CPNE4: variants seen among roughly 807,000 people sequenced by gnomAD.
The protein encoded by CPNE4 is copine-4.
CPNE4 carries 25 observed loss-of-function variants against 67.9 expected under a neutral mutation model. That is an observed-to-expected ratio of 0.37 (90% CI 0.27 to 0.51). The LOEUF is 0.51. Ranked by LOEUF, CPNE4 falls within the 20% of genes least tolerant of loss-of-function variation. The pLI is 0.93. For missense variants in CPNE4, 464 were observed against 690.8 expected (o/e 0.67, Z 3.68); for synonymous variants, 242 against 244.9 (o/e 0.99, Z 0.11).
intron 2 of CPNE4, among the ~76,000 whole-genome samples, chr3:131,834,955 C>T (rs2108004089): frequency 6.6e-6 from 1 of 152,160 alleles, no homozygotes; most frequent in Admixed American, 6.5e-5. Flanking sequence ...ACATAGAAAA[C>T]AAATTCTATC....
chr3:131,929,828 T>C (rs1052465193), intron 1 of CPNE4, among the ~76,000 whole-genome samples: 48 of 152,302 alleles, frequency 3.2e-4, no homozygotes, highest in African/African-American at 1.1e-3. Context: ...CTTACTGCTA[T>C]TGAATGAATC....
chr3:132,033,405 CTGTGTGTGTGTGTG>C, intron 1 of CPNE4, among the ~76,000 whole-genome samples: 1 of 150,840 alleles, frequency 6.6e-6, no homozygotes, highest in South Asian at 2.1e-4. Context: ...GTGTGTGTGT[CTGTGTGTGTGTGTG>C]TGTGTGTGTA....
At chr3:131,812,222 A>AG (rs752812939) in intron 2 of CPNE4, among the ~76,000 whole-genome samples, 1 of 64,016 alleles carries the variant, frequency 1.6e-5, no homozygotes, top group Non-Finnish European at 2.9e-5. Context: ...AATTGGAAGA[A>AG]AAAAAAAAAA....
chr3:131,537,588 G>C (rs1187143697), intron 15 of CPNE4: 2 of 286,028 alleles, frequency 7.0e-6, no homozygotes, highest in Non-Finnish European at 1.4e-5. Flanking sequence ...CAGCCCTGAA[G>C]ACTTGTACAT....
chr3:131,556,559 C>T (rs994831068), intron 11 of CPNE4, among the ~76,000 whole-genome samples: 2 of 151,994 alleles, frequency 1.3e-5, no homozygotes, highest in Non-Finnish European at 2.9e-5. Flanking sequence ...ATCTTTATAT[C>T]TCTACTGTCT....
At chr3:131,589,161 T>C (rs974263093) in intron 7 of CPNE4, among the ~76,000 whole-genome samples, 2 of 152,054 alleles carry the variant, frequency 1.3e-5, no homozygotes, top group Non-Finnish European at 2.9e-5. Flanking sequence ...CAAAGTCCCA[T>C]CGTGTTAGGC....
At chr3:131,762,975 G>A (rs773157204) in intron 2 of CPNE4, among the ~76,000 whole-genome samples, 3 of 151,088 alleles carry the variant, frequency 2.0e-5, no homozygotes, top group Non-Finnish European at 4.4e-5. Flanking sequence ...CCATGGGGAA[G>A]GAGATAAGGC....
intron 7 of CPNE4, among the ~76,000 whole-genome samples, chr3:131,635,295 A>G (rs1232356669): frequency 2.6e-5 from 4 of 152,236 alleles, no homozygotes; most frequent in African/African-American, 4.8e-5. Flanking sequence ...AGACATAATC[A>G]CTTTTGGAGT....
chr3:131,811,074 G>A (rs34128497), intron 2 of CPNE4, among the ~76,000 whole-genome samples: 35,931 of 151,940 alleles, frequency 0.24, 4,896 homozygotes, highest in East Asian at 0.34. Context: ...AGTTACACAA[G>A]ATAAATAAGC....
intron 2 of CPNE4, among the ~76,000 whole-genome samples, chr3:131,748,104 T>C (rs1261880413): frequency 6.6e-6 from 1 of 152,082 alleles, no homozygotes; most frequent in Non-Finnish European, 1.5e-5. Context: ...AATATGATCA[T>C]GTGATTTTCT....
intron 6 of CPNE4, among the ~76,000 whole-genome samples, chr3:131,680,514 T>C (rs1440155032): frequency 5.3e-5 from 8 of 152,116 alleles, no homozygotes; most frequent in Non-Finnish European, 1.0e-4. Flanking sequence ...GTTTATATAT[T>C]ATTTTAATGA....
intron 7 of CPNE4, among the ~76,000 whole-genome samples, chr3:131,596,340 C>T (rs1663006669): frequency 6.8e-6 from 1 of 147,508 alleles, no homozygotes; most frequent in African/African-American, 2.6e-5. Flanking sequence ...TTAAGTAAAG[C>T]GGCCGGGCGC....
chr3:131,957,661 C>T (rs572123262), intron 1 of CPNE4, among the ~76,000 whole-genome samples: 6 of 152,300 alleles, frequency 3.9e-5, no homozygotes, highest in African/African-American at 1.4e-4. Context: ...CATTCACTCA[C>T]CAAGTATTCG....
chr3:131,674,745 T>A (rs997794775), intron 6 of CPNE4, among the ~76,000 whole-genome samples: 2 of 151,870 alleles, frequency 1.3e-5, no homozygotes, highest in African/African-American at 4.8e-5. Flanking sequence ...ATTTTCTTTA[T>A]CTTTTCAAAA....
chr3:131,869,725 T>G (rs1291644928), intron 2 of CPNE4, among the ~76,000 whole-genome samples: 1 of 152,214 alleles, frequency 6.6e-6, no homozygotes. Context: ...TACAGTTGTA[T>G]GTTCGGAGAA....
intron 2 of CPNE4, among the ~76,000 whole-genome samples, chr3:131,873,715 G>T (rs2087314619): frequency 6.6e-6 from 1 of 152,154 alleles, no homozygotes; most frequent in Non-Finnish European, 1.5e-5. Context: ...CCACTCTCTA[G>T]AAGGATGACT....
At chr3:131,651,042 T>G (rs1334837683) in intron 7 of CPNE4, among the ~76,000 whole-genome samples, 1 of 152,180 alleles carries the variant, frequency 6.6e-6, no homozygotes, top group Non-Finnish European at 1.5e-5. Flanking sequence ...TGCTATTTCC[T>G]AGGTGAGGCT....
chr3:131,796,636 A>T (rs1308310023), intron 2 of CPNE4, among the ~76,000 whole-genome samples: 1 of 152,218 alleles, frequency 6.6e-6, no homozygotes, highest in Non-Finnish European at 1.5e-5. Flanking sequence ...CTTCCCCTGG[A>T]GCCTCCATCA....
chr3:131,823,410 G>A (rs1315076776), intron 2 of CPNE4, among the ~76,000 whole-genome samples: 1 of 152,152 alleles, frequency 6.6e-6, no homozygotes, highest in Admixed American at 6.5e-5. Context: ...TGCCAGCAAG[G>A]CACAAGCTTG....
Sources: gnomAD v4.1 joint callset for allele counts (sites outside exome capture counted in the v4.1 genomes callset) on GRCh38, gnomAD v4.1.1 for gene constraint, MANE v1.5 for transcripts, NCBI Gene and HGNC (gene_info 2026-07-23, HGNC 2026-07-21) for gene names.